Variants in PMF1 observed in about 807,000 individuals in gnomAD.
The protein encoded by PMF1 is polyamine modulated factor 1.
In PMF1, 21 loss-of-function variants were observed where a neutral mutation model predicts 26.7. The ratio of observed to expected loss-of-function variants is 0.79; its 90% CI spans 0.56 to 1.13. PMF1 has a LOEUF of 1.13. Ranked by LOEUF, PMF1 falls within the 50% of genes most tolerant of loss-of-function variation. PMF1 has a pLI of 0.00. For synonymous variants in PMF1, 105 were observed against 101.0 expected (o/e 1.04, Z -0.24); for missense variants, 266 against 254.9 (o/e 1.04, Z -0.30).
At chr1:156,214,580 TAGTA>T (rs1213353172) in intron 1 of PMF1, among the ~76,000 whole-genome samples, 4 of 152,068 alleles carry the variant, frequency 2.6e-5, no homozygotes, top group Non-Finnish European at 4.4e-5. Flanking sequence ...GCTGGTAAGA[TAGTA>T]AGGCCATTAT....
chr1:156,234,354 G>A (rs546018315), intron 3 of PMF1, among the ~76,000 whole-genome samples: 3 of 152,136 alleles, frequency 2.0e-5, no homozygotes, highest in South Asian at 4.2e-4. Context: ...GTGGGAGAAA[G>A]GGTGGGTGGG....
intron 1 of PMF1, among the ~76,000 whole-genome samples, chr1:156,218,402 A>G (rs1657895334): frequency 6.6e-6 from 1 of 152,190 alleles, no homozygotes; most frequent in Non-Finnish European, 1.5e-5. Context: ...AAATGCAGTT[A>G]TGCCTGCAGA....
At chr1:156,213,692 C>G (rs543458438) in intron 1 of PMF1, among the ~76,000 whole-genome samples, 1 of 152,068 alleles carries the variant, frequency 6.6e-6, no homozygotes, top group African/African-American at 2.4e-5. Context: ...CCCTCTCCCT[C>G]GTCGGCTTCT....
At chr1:156,220,035 C>T (rs1175843183) in intron 1 of PMF1, among the ~76,000 whole-genome samples, 2 of 151,058 alleles carry the variant, frequency 1.3e-5, no homozygotes, top group African/African-American at 4.9e-5. Flanking sequence ...GCTGTCTCCG[C>T]TCACTGCAAG....
Position 156,236,703 on chromosome 1 carries a change from A to AT in PMF1, c.564+221dup, listed in dbSNP as rs1034324834. The AT allele has an allele frequency of 1.7e-5, 11 of 640,638 alleles. No individual in the cohort carries two copies. The Admixed American group carries it at 2.4e-4, about 14-fold the overall frequency. The allele number at this position is 640,638 out of a possible 1,614,324, so 39.7% of individuals were successfully genotyped here. ...CCCAGATCCTCCACCAGGCACAGGC[A>AT]TGTGTTCCCCTGATGGAGCAGGTGA... On this transcript the variant is annotated intron_variant, in intron 4 of 4. Coordinates refer to ENST00000368277, the MANE Select transcript of PMF1 (RefSeq NM_007221.4).
At chr1:156,232,486 C>T in intron 2 of PMF1, 61 bp downstream of exon 2, 1 of 1,535,668 alleles carries the variant, frequency 6.5e-7, no homozygotes, top group Non-Finnish European at 9.0e-7. Flanking sequence ...GATTGTCAGT[C>T]CCCTGAGGGC....
intron 1 of PMF1, among the ~76,000 whole-genome samples, chr1:156,216,066 C>G (rs1439729360): frequency 6.6e-6 from 1 of 152,030 alleles, no homozygotes; most frequent in Non-Finnish European, 1.5e-5. Flanking sequence ...TTCCAATCTT[C>G]TTGGAGTAGA....
In PMF1 at chr1:156,232,306, C is replaced by T; in HGVS notation, c.162-14C>T. ...CTTGGCCCTCCCCACCTTTGCTTCT[C>T]TCCTTCCCGCCAGCTACCAGAGATT... is the stretch of plus-strand genomic sequence containing the variant. On this transcript the variant is annotated splice_polypyrimidine_tract_variant and intron_variant, in intron 1 of 4. Coordinates refer to ENST00000368277, the MANE Select transcript of PMF1 (RefSeq NM_007221.4). 2 of 1,613,526 alleles carry T rather than the reference C, an allele frequency of 1.2e-6. No individual in the cohort carries two copies. The highest frequency in any genetic ancestry group is 1.7e-6 in the Non-Finnish European group (2 of 1,179,554).
intron 3 of PMF1, among the ~76,000 whole-genome samples, chr1:156,235,309 A>G (rs1458723886): frequency 6.6e-6 from 1 of 151,420 alleles, no homozygotes; most frequent in African/African-American, 2.4e-5. Context: ...TTTTTAGTAG[A>G]GATGGGGTTT....
intron 4 of PMF1, chr1:156,236,845 G>GAT (rs1659047592): frequency 3.7e-6 from 1 of 268,698 alleles, no homozygotes. Flanking sequence ...GCCCAACATA[G>GAT]ATATATATAT....
chr1:156,235,600 C>T (rs933680660), intron 3 of PMF1, among the ~76,000 whole-genome samples: 22 of 151,694 alleles, frequency 1.5e-4, no homozygotes, highest in African/African-American at 5.1e-4. Context: ...CAACACCATG[C>T]CCGGCTAATT....
At chr1:156,230,129 G>A (rs150705429) in intron 1 of PMF1, among the ~76,000 whole-genome samples, 321 of 152,342 alleles carry the variant, frequency 2.1e-3, no homozygotes, top group African/African-American at 7.6e-3. Flanking sequence ...TAGGGGTGGG[G>A]CTTTGTGTTG....
At position 156,233,735 on chromosome 1, in the gene PMF1, G is replaced by A. The variant is rs1658847892; in HGVS notation, c.368+7G>A. ...TCCGCAAAGAGCCAGCCTGGTGAGA[G>A]TGGGGTGGGGAGGTGAGAAGGTACA... is the stretch of plus-strand genomic sequence containing the variant. On this transcript the variant is annotated splice_region_variant and intron_variant, in intron 3 of 4. Transcript: ENST00000368277. 1.2e-6 allele frequency: 2 copies of A among 1,612,500 alleles called. No homozygotes were observed. The highest frequency in any genetic ancestry group is 3.3e-5 in the Admixed American group (2 of 59,906).
chr1:156,238,892 C>CG (rs397704448), intron 4 of PMF1, among the ~76,000 whole-genome samples: 32 of 151,910 alleles, frequency 2.1e-4, no homozygotes, highest in African/African-American at 2.2e-4. Context: ...GCCCCCCCCC[C>CG]AAGCCTGGTG....
At chr1:156,215,879 G>A (rs1443858752) in intron 1 of PMF1, among the ~76,000 whole-genome samples, 3 of 152,090 alleles carry the variant, frequency 2.0e-5, no homozygotes, top group Non-Finnish European at 2.9e-5. Flanking sequence ...AGTAGAGATG[G>A]GGTTTTGCCA....
At chr1:156,221,109 G>A (rs1013033229) in intron 1 of PMF1, among the ~76,000 whole-genome samples, 3 of 151,978 alleles carry the variant, frequency 2.0e-5, no homozygotes, top group African/African-American at 7.2e-5. Context: ...CTCTTCTCTT[G>A]TCCTTTAAAC....
intron 1 of PMF1, among the ~76,000 whole-genome samples, chr1:156,222,118 AG>A (rs1212616620): frequency 1.3e-5 from 2 of 152,184 alleles, no homozygotes; most frequent in Admixed American, 6.5e-5. Context: ...ACAGTGTACA[AG>A]GCCATTCCTT....
Position 156,233,680 on chromosome 1 carries a change from C to T in PMF1, c.320C>T (p.Ala107Val). 1.2e-6 allele frequency: 2 copies of T among 1,613,858 alleles called. No homozygotes were observed. Among genetic ancestry groups the T allele is most frequent in the Non-Finnish European group, 1.7e-6 (2 of 1,179,924 alleles). The change falls in exon 3 of 5, where the codon GCC becomes GTC. Residue 107 changes from alanine to valine, a missense_variant. Coordinates refer to ENST00000368277, the MANE Select transcript of PMF1 (RefSeq NM_007221.4). ...GGGAACCTAGAAGCTGTCTTGAATGCCTTGGATAAAATTGTGGAAGAAGGC... is the reference window on the plus strand; with the variant it reads ...GGGAACCTAGAAGCTGTCTTGAATGTCTTGGATAAAATTGTGGAAGAAGGC... Reference protein sequence around the residue: ...EEGNLEAVLNALDKIVEEGKV... With the variant: ...EEGNLEAVLNVLDKIVEEGKV...
chr1:156,220,418 T>A (rs1234298793), intron 1 of PMF1, among the ~76,000 whole-genome samples: 1 of 152,028 alleles, frequency 6.6e-6, no homozygotes, highest in Non-Finnish European at 1.5e-5. Flanking sequence ...CTTGCTACAT[T>A]GCCCAGTCTG....
Sources: gnomAD v4.1 joint callset for allele counts (sites outside exome capture counted in the v4.1 genomes callset) on GRCh38, gnomAD v4.1.1 for gene constraint, MANE v1.5 for transcripts, NCBI Gene and HGNC (gene_info 2026-07-23, HGNC 2026-07-21) for gene names.